MYT1L: variants seen among roughly 807,000 people sequenced by gnomAD.
The protein encoded by MYT1L is myelin transcription factor 1-like protein.
A neutral mutation model predicts 126.7 loss-of-function variants in MYT1L; 12 were observed. That is an observed-to-expected ratio of 0.09 (90% CI 0.06 to 0.15). The LOEUF is 0.15. MYT1L is among the 10% of genes least tolerant of loss of function. The probability of loss-of-function intolerance (pLI) is 1.00; values close to 1 mark genes in which losing one functional copy is unlikely to be tolerated. For synonymous variants in MYT1L, 541 were observed against 604.2 expected (o/e 0.90, Z 1.53); for missense variants, 979 against 1,585.2 (o/e 0.62, Z 6.49).
At chr2:1,815,288 G>A (rs971791214) in intron 21 of MYT1L, among the ~76,000 whole-genome samples, 4 of 152,254 alleles carry the variant, frequency 2.6e-5, no homozygotes, top group Non-Finnish European at 5.9e-5. Flanking sequence ...GTGTTGGTGC[G>A]GATGTCTCTG....
At chr2:2,041,837 A>G (rs927292950) in intron 4 of MYT1L, among the ~76,000 whole-genome samples, 21 of 152,174 alleles carry the variant, frequency 1.4e-4, no homozygotes, top group Admixed American at 1.4e-3. Flanking sequence ...TAACCATCAT[A>G]TACAGAACCT....
At chr2:2,150,935 G>A (rs1171452409) in intron 3 of MYT1L, among the ~76,000 whole-genome samples, 2 of 151,868 alleles carry the variant, frequency 1.3e-5, no homozygotes, top group Non-Finnish European at 2.9e-5. Flanking sequence ...GAGGGAGATG[G>A]AGGGAAGACA....
intron 18 of MYT1L, among the ~76,000 whole-genome samples, chr2:1,858,524 G>A (rs1207977603): frequency 2.0e-5 from 3 of 152,206 alleles, no homozygotes; most frequent in Admixed American, 6.5e-5. Flanking sequence ...GTAATCCAGA[G>A]AAAGTTAAAA....
intron 3 of MYT1L, among the ~76,000 whole-genome samples, chr2:2,115,973 ACGAAAACAGGACGAGCC>A (rs1387981670): frequency 2.4e-3 from 354 of 149,530 alleles, no homozygotes; most frequent in African/African-American, 8.5e-3. Context: ...CGTCCAGTCG[ACGAAAACAGGACGAGCC>A]TGCTGTGCAG....
chr2:2,015,692 T>A (rs2064305263), intron 4 of MYT1L, among the ~76,000 whole-genome samples: 1 of 151,944 alleles, frequency 6.6e-6, no homozygotes, highest in African/African-American at 2.4e-5. Context: ...GAGAAGCCTG[T>A]GAGGCAAGGG....
At chr2:2,153,218 G>A (rs781298179) in intron 3 of MYT1L, among the ~76,000 whole-genome samples, 54 of 152,182 alleles carry the variant, frequency 3.5e-4, no homozygotes, top group Non-Finnish European at 6.2e-4. Context: ...AGGATGGCTT[G>A]TGACCAGGGG....
At chr2:2,125,321 A>G (rs1271142890) in intron 3 of MYT1L, among the ~76,000 whole-genome samples, 2 of 152,184 alleles carry the variant, frequency 1.3e-5, no homozygotes, top group African/African-American at 4.8e-5. Flanking sequence ...AAGATGAGCT[A>G]TTGAAGATCT....
intron 1 of MYT1L, among the ~76,000 whole-genome samples, chr2:2,315,367 T>C (rs147614268): frequency 2.1e-3 from 322 of 152,316 alleles, no homozygotes; most frequent in African/African-American, 7.0e-3. Context: ...ATCATCAATA[T>C]ATTCTCTGTC....
intron 2 of MYT1L, among the ~76,000 whole-genome samples, chr2:2,251,298 T>C (rs1156610416): frequency 6.6e-6 from 1 of 152,216 alleles, no homozygotes; most frequent in Non-Finnish European, 1.5e-5. Context: ...GATAACAAGA[T>C]AAACTACTGT....
chr2:2,097,273 T>C (rs1253622449), intron 3 of MYT1L, among the ~76,000 whole-genome samples: 1 of 152,176 alleles, frequency 6.6e-6, no homozygotes, highest in East Asian at 1.9e-4. Context: ...GTGAGCTTTC[T>C]TGTGTCTGTG....
intron 8 of MYT1L, among the ~76,000 whole-genome samples, chr2:1,972,888 A>ACT (rs1291357221): frequency 6.6e-6 from 1 of 152,122 alleles, no homozygotes; most frequent in East Asian, 1.9e-4. Context: ...AAATGATTTG[A>ACT]CTCAGTGTAC....
intron 8 of MYT1L, among the ~76,000 whole-genome samples, chr2:1,953,192 G>T (rs2058043856): frequency 6.6e-6 from 1 of 152,002 alleles, no homozygotes; most frequent in African/African-American, 2.4e-5. Flanking sequence ...TGAACTCCTG[G>T]GCTCAAGTGA....
At chr2:2,241,952 C>G (rs1332489432) in intron 2 of MYT1L, among the ~76,000 whole-genome samples, 1 of 151,938 alleles carries the variant, frequency 6.6e-6, no homozygotes, top group Non-Finnish European at 1.5e-5. Flanking sequence ...CACACACACA[C>G]ACATATATAT....
At chr2:2,274,468 A>G (rs546432970) in intron 2 of MYT1L, among the ~76,000 whole-genome samples, 2 of 151,434 alleles carry the variant, frequency 1.3e-5, no homozygotes, top group Non-Finnish European at 2.9e-5. Flanking sequence ...TTTTTCCTAA[A>G]ACATTTAGGA....
chr2:2,040,305 G>A (rs1383629041), intron 4 of MYT1L, among the ~76,000 whole-genome samples: 1 of 152,174 alleles, frequency 6.6e-6, no homozygotes, highest in African/African-American at 2.4e-5. Context: ...TACATGCAAT[G>A]TACATATCCA....
chr2:2,265,772 C>T lies in MYT1L; in HGVS notation c.-421+18632G>A, dbSNP rs533119061. 1.7e-4 allele frequency among the ~76,000 whole-genome samples: 26 copies of T among 152,198 alleles called. No homozygotes were observed. The South Asian group carries it at 2.5e-3, about 15-fold the overall frequency. On this transcript the variant is annotated intron_variant, in intron 2 of 24. Coordinates refer to ENST00000647738, the MANE Select transcript of MYT1L (RefSeq NM_001303052.2). Reference sequence around the variant, plus strand: ...ATCCAAATACATGAAGAGAAGTTCACGGTACATAGCAAGTAATGGAGACAT... The same window carrying T: ...ATCCAAATACATGAAGAGAAGTTCATGGTACATAGCAAGTAATGGAGACAT...
At chr2:1,829,707 ACC>A in intron 21 of MYT1L, among the ~76,000 whole-genome samples, 1 of 118,248 alleles carries the variant, frequency 8.5e-6, no homozygotes, top group Non-Finnish European at 1.6e-5. Flanking sequence ...CTGTGAATTG[ACC>A]CTCCCATACA....
intron 10 of MYT1L, among the ~76,000 whole-genome samples, chr2:1,921,474 T>C (rs2053564594): frequency 6.6e-6 from 1 of 152,166 alleles, no homozygotes; most frequent in South Asian, 2.1e-4. Flanking sequence ...GATAGCTAAA[T>C]ACATTGACAT....
At chr2:2,294,162 C>A (rs182252056) in intron 1 of MYT1L, among the ~76,000 whole-genome samples, 2 of 152,112 alleles carry the variant, frequency 1.3e-5, no homozygotes, top group Non-Finnish European at 2.9e-5. Flanking sequence ...TGAGAATGGC[C>A]GAGAGACAAG....
Sources: gnomAD v4.1 joint callset for allele counts (sites outside exome capture counted in the v4.1 genomes callset) on GRCh38, gnomAD v4.1.1 for gene constraint, MANE v1.5 for transcripts, NCBI Gene and HGNC (gene_info 2026-07-23, HGNC 2026-07-21) for gene names.